Variants in WDSUB1 observed in about 807,000 individuals in gnomAD.
The protein encoded by WDSUB1 is WD repeat, SAM and U-box domain-containing protein 1.
WDSUB1 carries 49 observed loss-of-function variants against 53.9 expected under a neutral mutation model. The ratio of observed to expected loss-of-function variants is 0.91; its 90% CI spans 0.72 to 1.15. WDSUB1 has a LOEUF of 1.15. WDSUB1 is among the 50% of genes most tolerant of loss of function. WDSUB1 has a pLI of 0.00. For missense variants in WDSUB1, 514 were observed against 562.0 expected (o/e 0.91, Z 0.86); for synonymous variants, 194 against 200.6 (o/e 0.97, Z 0.28).
rs1360810967 is a variant in WDSUB1 at position 159,269,502 on chromosome 2, T to C, written c.770+2200A>G. 2.6e-5 allele frequency among the ~76,000 whole-genome samples: 4 copies of C among 152,208 alleles called. No homozygotes were observed. The East Asian group carries it at 7.7e-4, about 29-fold the overall frequency. Reference sequence around the variant, plus strand: ...CATTCCAAGGATTTAAGAAGTTCAATGAATTCCAAGCAAACTAAATAGGAA... The same window carrying C: ...CATTCCAAGGATTTAAGAAGTTCAACGAATTCCAAGCAAACTAAATAGGAA... On this transcript the variant is annotated intron_variant, in intron 5 of 10. Coordinates refer to ENST00000359774, the MANE Select transcript of WDSUB1 (RefSeq NM_001128212.3).
At chr2:159,242,029 C>A (rs2060664484) in intron 10 of WDSUB1, among the ~76,000 whole-genome samples, 1 of 146,732 alleles carries the variant, frequency 6.8e-6, no homozygotes, top group South Asian at 2.1e-4. Flanking sequence ...CTGTTTGATA[C>A]ACTGTTGATA....
chr2:159,280,368 C>G (rs1210430912), intron 2 of WDSUB1, among the ~76,000 whole-genome samples: 1 of 152,066 alleles, frequency 6.6e-6, no homozygotes, highest in Non-Finnish European at 1.5e-5. Context: ...TTATTGGAGT[C>G]AAAGGTACTT....
At chr2:159,265,031 C>G (rs2061308022) in intron 5 of WDSUB1, among the ~76,000 whole-genome samples, 1 of 150,034 alleles carries the variant, frequency 6.7e-6, no homozygotes, top group Admixed American at 6.7e-5. Flanking sequence ...TTGCAGTGAG[C>G]TGAGATCGCG....
chr2:159,279,994 T>G, intron 2 of WDSUB1, 49 bp from the exon 3 acceptor site: 1 of 1,519,818 alleles, frequency 6.6e-7, no homozygotes, highest in Non-Finnish European at 8.9e-7. Flanking sequence ...ATCCTTTACT[T>G]TATACCACAG....
intron 10 of WDSUB1, among the ~76,000 whole-genome samples, chr2:159,247,916 T>TATATATATATATATATATATAA (rs2060848885): frequency 8.2e-5 from 6 of 73,504 alleles, no homozygotes; most frequent in African/African-American, 1.5e-4. Flanking sequence ...TATAAATATA[T>TATATATATATATATATATATAA]ATATATATAT....
intron 6 of WDSUB1, among the ~76,000 whole-genome samples, 173 bp downstream of exon 6, chr2:159,259,637 T>A (rs930934353): frequency 6.6e-6 from 1 of 152,264 alleles, no homozygotes; most frequent in Non-Finnish European, 1.5e-5. Flanking sequence ...TAAGGGCTTG[T>A]TGCAGAACCA....
intron 5 of WDSUB1, among the ~76,000 whole-genome samples, chr2:159,261,890 ATATATATTTTTTTTTTTTTTTT>A (rs1558856671): frequency 2.9e-4 from 4 of 13,650 alleles, no homozygotes; most frequent in African/African-American, 4.3e-4. Context: ...ATATATATAT[ATATATATTTTTTTTTTTTTTTT>A]TTTTTTTTTT....
chr2:159,257,627 A>G, intron 8 of WDSUB1, 131 bp downstream of exon 8: 1 of 705,096 alleles, frequency 1.4e-6, no homozygotes, highest in Non-Finnish European at 2.5e-6. Flanking sequence ...ACCTCAAGTG[A>G]TACACCCACC....
intron 10 of WDSUB1, among the ~76,000 whole-genome samples, chr2:159,240,535 G>T (rs2060616477): frequency 6.6e-6 from 1 of 152,168 alleles, no homozygotes; most frequent in African/African-American, 2.4e-5. Flanking sequence ...ACATGGTTTT[G>T]ATTGGCATTA....
At chr2:159,272,825 A>G (rs1017383236) in intron 4 of WDSUB1, among the ~76,000 whole-genome samples, 2 of 152,224 alleles carry the variant, frequency 1.3e-5, no homozygotes, top group Non-Finnish European at 1.5e-5. Flanking sequence ...CAAAGTATAA[A>G]AAGGTATAAA....
chr2:159,242,494 C>T (rs2060681738), intron 10 of WDSUB1, among the ~76,000 whole-genome samples: 2 of 146,986 alleles, frequency 1.4e-5, no homozygotes, highest in Admixed American at 1.3e-4. Context: ...AACCCCATCT[C>T]TACTAAAAAT....
intron 5 of WDSUB1, 79 bp downstream of exon 5, chr2:159,271,623 T>G: frequency 2.3e-5 from 28 of 1,216,628 alleles, no homozygotes; most frequent in Non-Finnish European, 3.3e-5. Flanking sequence ...AGCTATTCTT[T>G]GAGGTTTCAT....
chr2:159,271,598 T>TGTG, intron 5 of WDSUB1, 104 bp downstream of exon 5: 1 of 972,454 alleles, frequency 1.0e-6, no homozygotes, highest in Non-Finnish European at 1.6e-6. Flanking sequence ...TCTTGACCTT[T>TGTG]GTGGTGGCTC....
chr2:159,282,574 A>G, intron 2 of WDSUB1, 98 bp downstream of exon 2: 1 of 1,389,810 alleles, frequency 7.2e-7, no homozygotes, highest in Admixed American at 2.2e-5. Flanking sequence ...TTTCTACATC[A>G]CTTAGACTGT....
At chr2:159,282,611 A>C in intron 2 of WDSUB1, 61 bp downstream of exon 2, 1 of 1,531,798 alleles carries the variant, frequency 6.5e-7, no homozygotes, top group South Asian at 1.3e-5. Flanking sequence ...TTTTGCTTTC[A>C]GTTTTTTTTA....
intron 8 of WDSUB1, 137 bp from the exon 9 acceptor site, chr2:159,256,512 C>T: frequency 1.2e-6 from 1 of 859,226 alleles, no homozygotes. Flanking sequence ...TGCCTATAAT[C>T]CTAGCTTCTC....
At position 159,247,882 on chromosome 2, in the gene WDSUB1, A is replaced by AATATATATATATATAT. The variant is rs1258027235; in HGVS notation, c.1273+489_1273+490insATATATATATATATAT. 7.9e-5 allele frequency among the ~76,000 whole-genome samples: 3 copies of AATATATATATATATAT among 37,964 alleles called. No individual in the cohort carries two copies. In the Admixed American group the frequency reaches 1.4e-3, roughly 18 times the overall value. The allele number at this position is 37,964 out of a possible 152,430, so 24.9% of individuals were successfully genotyped here. On this transcript the variant is annotated intron_variant, in intron 10 of 10. Coordinates refer to ENST00000359774, the MANE Select transcript of WDSUB1 (RefSeq NM_001128212.3). ...ATAAGGAAGCTGTAGGCCAAAATTA[A>AATATATATATATATAT]ATAAATATATATATATATATATATA...
intron 9 of WDSUB1, among the ~76,000 whole-genome samples, chr2:159,255,618 A>ATTT (rs1313656165): frequency 6.6e-6 from 1 of 152,208 alleles, no homozygotes; most frequent in Non-Finnish European, 1.5e-5. Flanking sequence ...CAAGAGATTT[A>ATTT]AATAGGCTCA....
chr2:159,237,395 C>G (rs538218495), intron 10 of WDSUB1, among the ~76,000 whole-genome samples: 37 of 152,248 alleles, frequency 2.4e-4, no homozygotes, highest in Non-Finnish European at 5.9e-5. Flanking sequence ...GTGGCAGGTG[C>G]CTGTAATTCC....
Sources: allele counts gnomAD v4.1 joint callset (sites outside exome capture counted in the v4.1 genomes callset), GRCh38; gene constraint gnomAD v4.1.1; transcripts MANE v1.5; gene names NCBI Gene and HGNC (gene_info 2026-07-23, HGNC 2026-07-21).